PAK3: variants seen among roughly 807,000 people sequenced by gnomAD.
PAK3 encodes the protein serine/threonine-protein kinase PAK 3.
Under a neutral mutation model 41.0 loss-of-function variants are expected in PAK3, and 4 were observed. That is an observed-to-expected ratio of 0.10 (90% CI 0.05 to 0.22). The LOEUF (loss-of-function observed/expected upper bound fraction) is 0.22. Among genes scored for constraint, PAK3 ranks in the 10% least tolerant of loss-of-function variants. The pLI, the probability that PAK3 is intolerant of heterozygous loss-of-function variation, is 1.00. For missense variants in PAK3, 205 were observed against 409.9 expected (o/e 0.50, Z 4.32); for synonymous variants, 146 against 139.6 (o/e 1.05, Z -0.32).
At chrX:111,049,223 C>T (rs150365680) in intron 1 of PAK3, among the ~76,000 whole-genome samples, 3,392 of 111,995 alleles carry the variant, frequency 0.03, 117 homozygotes, top group African/African-American at 0.1. Context: ...TTTTCTTCAC[C>T]ATGTAAAGTA....
At chrX:110,972,557 G>A (rs1184710420) in intron 1 of PAK3, among the ~76,000 whole-genome samples, 9 of 111,890 alleles carry the variant, frequency 8.0e-5, no homozygotes, top group Non-Finnish European at 1.3e-4. Context: ...CCCATCTGTA[G>A]GTCACCAACA....
chrX:110,966,591 T>A (rs1009780882), intron 1 of PAK3, among the ~76,000 whole-genome samples: 2 of 111,255 alleles, frequency 1.8e-5, no homozygotes, highest in East Asian at 5.6e-4. Flanking sequence ...TAATCTTAAA[T>A]AAATTTTGAC....
At chrX:111,170,035 G>A (rs1012488209) in intron 10 of PAK3, among the ~76,000 whole-genome samples, 1 of 111,256 alleles carries the variant, frequency 9.0e-6, no homozygotes, top group African/African-American at 3.3e-5. Context: ...ACTAAAGAGG[G>A]CAGCAGCTAG....
intron 17 of PAK3, 38 bp downstream of exon 17, chrX:111,216,596 A>G (rs1293563071): frequency 9.1e-7 from 1 of 1,096,811 alleles, no homozygotes; most frequent in Non-Finnish European, 1.3e-6. Flanking sequence ...GAGAGGCATT[A>G]TACTCAGCTT....
At chrX:111,144,968 T>C (rs1344887250) in intron 6 of PAK3, 1 of 738,197 alleles carries the variant, frequency 1.4e-6, no homozygotes, top group African/African-American at 2.1e-5. Flanking sequence ...GATAAATGCT[T>C]GGCCTGTTAT....
At chrX:111,034,248 C>T (rs1214772687) in intron 1 of PAK3, among the ~76,000 whole-genome samples, 2 of 107,511 alleles carry the variant, frequency 1.9e-5, no homozygotes, top group Admixed American at 2.0e-4. Context: ...GGTTGGGGGT[C>T]GGGGAAAGAG....
chrX:110,961,073 A>T (rs1003941067), intron 1 of PAK3, among the ~76,000 whole-genome samples: 26 of 111,233 alleles, frequency 2.3e-4, no homozygotes, highest in Non-Finnish European at 4.3e-4. Flanking sequence ...ATTCTAGTGG[A>T]TCTTGTTCCT....
intron 1 of PAK3, among the ~76,000 whole-genome samples, chrX:110,987,447 T>C (rs2091563416): frequency 9.0e-6 from 1 of 111,312 alleles, no homozygotes; most frequent in African/African-American, 3.3e-5. Flanking sequence ...GTGTTGGAGC[T>C]GTGAGCCCTG....
intron 1 of PAK3, among the ~76,000 whole-genome samples, chrX:111,014,234 CAT>C (rs762961730): frequency 8.9e-6 from 1 of 111,793 alleles, no homozygotes; most frequent in African/African-American, 3.2e-5. Flanking sequence ...AGTCAAAAAC[CAT>C]AGTCGGCTTT....
chrX:111,123,217 C>T lies in PAK3; in HGVS notation c.114C>T (p.Ala38=), dbSNP rs1243504842. The change falls in exon 5 of 18, where the codon GCC becomes GCT. Residue 38 remains alanine (A), a synonymous_variant. Transcript: ENST00000372007. ...LNHSSKPLPM[A]PEEKNKKARL... ...ACAGCTCCAAACCACTTCCCATGGC[C>T]CCTGAAGAGAAGAATAAGAAAGCCA... 1.7e-6 allele frequency: 2 copies of T among 1,208,642 alleles called. No homozygotes were observed. Among genetic ancestry groups the T allele is most frequent in the Middle Eastern group, 4.6e-4 (2 of 4,343 alleles).
intron 1 of PAK3, among the ~76,000 whole-genome samples, chrX:111,085,429 C>A (rs2148846975): frequency 8.9e-6 from 1 of 112,297 alleles, no homozygotes; most frequent in African/African-American, 3.2e-5. Flanking sequence ...ACCAGAGGAT[C>A]AGCAGCTCTG....
intron 1 of PAK3, among the ~76,000 whole-genome samples, chrX:111,038,890 TG>T (rs1248665459): frequency 8.9e-6 from 1 of 111,864 alleles, no homozygotes; most frequent in Non-Finnish European, 1.9e-5. Flanking sequence ...AGTTCTTTGA[TG>T]GGTAGTGAGT....
intron 1 of PAK3, among the ~76,000 whole-genome samples, chrX:111,028,027 G>GTGTATATATATATACATATATATATATA (rs57456281): frequency 2.0e-5 from 2 of 97,885 alleles, no homozygotes; most frequent in African/African-American, 7.4e-5. Flanking sequence ...ACATATATAT[G>GTGTATATATATATACATATATATATATA]TGTGTATATA....
intron 1 of PAK3, among the ~76,000 whole-genome samples, chrX:110,982,321 G>T (rs2091462519): frequency 8.9e-6 from 1 of 112,089 alleles, no homozygotes; most frequent in Admixed American, 9.4e-5. Context: ...TTAAATCCTG[G>T]CTTTGCTCAT....
At chrX:111,168,556 C>A (rs1278245464) in intron 10 of PAK3, among the ~76,000 whole-genome samples, 1 of 111,670 alleles carries the variant, frequency 9.0e-6, no homozygotes, top group Non-Finnish European at 1.9e-5. Flanking sequence ...GTGGAGACAC[C>A]ATTTTATTTG....
chrX:111,169,349 T>G (rs1397863415), intron 10 of PAK3: 2 of 165,538 alleles, frequency 1.2e-5, no homozygotes, highest in Non-Finnish European at 2.3e-5. Context: ...TCCCGTCATG[T>G]ATATCATGTA....
chrX:111,075,176 T>C (rs2092774369), intron 1 of PAK3, among the ~76,000 whole-genome samples: 1 of 112,640 alleles, frequency 8.9e-6, no homozygotes, highest in Non-Finnish European at 1.9e-5. Flanking sequence ...AAACAGGCTG[T>C]GGAGCAATTT....
upstream of PAK3, among the ~76,000 whole-genome samples, chrX:111,095,697 T>A (rs1490294260): frequency 1.8e-5 from 2 of 112,034 alleles, no homozygotes; most frequent in Non-Finnish European, 3.8e-5. Context: ...GCCACATCTG[T>A]CTCTCTTAGT....
At position 111,175,314 on chromosome X, in the gene PAK3, C is replaced by T. The variant is rs1400154406; in HGVS notation, c.830+2233C>T. ...ATGTACTTAAGTATAAAAGGCACACCTGATTTCAAAACCTTAGTATGAAAA... is the reference window on the plus strand; with the variant it reads ...ATGTACTTAAGTATAAAAGGCACACTTGATTTCAAAACCTTAGTATGAAAA... On this transcript the variant is annotated intron_variant, in intron 11 of 17. Transcript: ENST00000372007. Among the ~76,000 whole-genome samples, 5 of 111,374 alleles carry T rather than the reference C, an allele frequency of 4.5e-5. No homozygotes were observed. In the East Asian group the frequency reaches 1.1e-3, roughly 25 times the overall value.
Sources: allele counts gnomAD v4.1 joint callset (sites outside exome capture counted in the v4.1 genomes callset), GRCh38; gene constraint gnomAD v4.1.1; transcripts MANE v1.5; gene names NCBI Gene and HGNC (gene_info 2026-07-23, HGNC 2026-07-21).